Variants in CSMD1 observed in about 807,000 individuals in gnomAD.
CSMD1 encodes the protein CUB and sushi domain-containing protein 1.
CSMD1 carries 213 observed loss-of-function variants against 417.5 expected under a neutral mutation model. The ratio of observed to expected loss-of-function variants is 0.51; its 90% CI spans 0.46 to 0.57. The LOEUF is 0.57. CSMD1 is among the 20% of genes least tolerant of loss of function. The pLI is 0.00. For synonymous variants in CSMD1, 2,862 were observed against 1,736.8 expected, an observed-to-expected ratio of 1.65 and a Z score of -16.11; for missense variants, 6,923 against 4,529.7, an observed-to-expected ratio of 1.53 and a Z score of -15.17.
chr8:3,927,279 AATT>A (rs1352931839), intron 5 of CSMD1, among the ~76,000 whole-genome samples: 3 of 152,018 alleles, frequency 2.0e-5, no homozygotes, highest in African/African-American at 4.8e-5. Flanking sequence ...ATAAGCTAAT[AATT>A]ATTAAGGTGC....
At chr8:4,052,924 G>A (rs977833860) in intron 3 of CSMD1, among the ~76,000 whole-genome samples, 1 of 152,138 alleles carries the variant, frequency 6.6e-6, no homozygotes, top group East Asian at 1.9e-4. Context: ...TAGGCGCAGA[G>A]AGAAGTGGCT....
At chr8:4,777,309 C>A (rs912341527) in intron 1 of CSMD1, among the ~76,000 whole-genome samples, 1 of 152,110 alleles carries the variant, frequency 6.6e-6, no homozygotes, top group South Asian at 2.1e-4. Context: ...TGGACGAAAC[C>A]AGAAAACTGG....
At chr8:4,304,473 A>G (rs138645493) in intron 3 of CSMD1, among the ~76,000 whole-genome samples, 2 of 152,300 alleles carry the variant, frequency 1.3e-5, no homozygotes, top group Admixed American at 1.3e-4. Context: ...CCCAGATAGT[A>G]CAGAGTCCCA....
At chr8:3,569,147 C>T (rs10102248) in intron 10 of CSMD1, among the ~76,000 whole-genome samples, 35,600 of 152,032 alleles carry the variant, frequency 0.23, 4,444 homozygotes, top group Non-Finnish European at 0.28. Context: ...TGCCTCTCCA[C>T]TAAAGGAATC....
intron 26 of CSMD1, among the ~76,000 whole-genome samples, chr8:3,252,601 C>A (rs190244949): frequency 6.6e-6 from 1 of 152,150 alleles, no homozygotes; most frequent in Non-Finnish European, 1.5e-5. Context: ...AGGATTCCCT[C>A]TTTTTCTATT....
chr8:4,497,326 C>G (rs1802028275), intron 2 of CSMD1, among the ~76,000 whole-genome samples: 1 of 152,174 alleles, frequency 6.6e-6, no homozygotes, highest in Non-Finnish European at 1.5e-5. Flanking sequence ...TCTCACTTGA[C>G]AAAGTAAATC....
chr8:4,398,552 C>T (rs1804425448), intron 3 of CSMD1, among the ~76,000 whole-genome samples: 1 of 151,846 alleles, frequency 6.6e-6, no homozygotes, highest in Non-Finnish European at 1.5e-5. Context: ...CGCCACCATG[C>T]CCGGCCAAAT....
intron 2 of CSMD1, among the ~76,000 whole-genome samples, chr8:4,435,721 G>A (rs1359092744): frequency 2.6e-5 from 4 of 152,130 alleles, no homozygotes; most frequent in African/African-American, 9.7e-5. Flanking sequence ...GGCTGTGGCT[G>A]CCTTGAGATC....
chr8:4,295,086 AAGATT>A (rs1797586297), intron 3 of CSMD1, among the ~76,000 whole-genome samples: 1 of 147,610 alleles, frequency 6.8e-6, no homozygotes, highest in African/African-American at 2.5e-5. Context: ...ATATAATCTT[AAGATT>A]ACACACATAT....
intron 11 of CSMD1, among the ~76,000 whole-genome samples, chr8:3,480,509 T>C (rs953507705): frequency 1.3e-5 from 2 of 152,200 alleles, no homozygotes; most frequent in Non-Finnish European, 2.9e-5. Flanking sequence ...GATGATGGTG[T>C]TGAAATTATT....
At chr8:4,595,963 G>T (rs545764763) in intron 2 of CSMD1, among the ~76,000 whole-genome samples, 1 of 151,958 alleles carries the variant, frequency 6.6e-6, no homozygotes, top group Non-Finnish European at 1.5e-5. Context: ...TGTACCACTT[G>T]TACAGCCTCA....
At chr8:3,471,587 C>T (rs1287382208) in intron 11 of CSMD1, among the ~76,000 whole-genome samples, 1 of 143,018 alleles carries the variant, frequency 7.0e-6, no homozygotes, top group Non-Finnish European at 1.5e-5. Flanking sequence ...TCTCTCCTTC[C>T]TTCCCTCCCT....
intron 5 of CSMD1, among the ~76,000 whole-genome samples, chr8:3,926,295 T>G (rs530520880): frequency 6.6e-6 from 1 of 152,222 alleles, no homozygotes. Flanking sequence ...CCTTGTGCCA[T>G]GTATTTCTCC....
In CSMD1 at chr8:4,994,655, GCGGGGC is replaced by G. The variant is rs536150882; in HGVS notation, c.-245_-240del. On this transcript the variant is annotated 5_prime_UTR_variant, in exon 1 of 70. Coordinates refer to ENST00000635120, the MANE Select transcript of CSMD1 (RefSeq NM_033225.6). ...GCTCCGAGCGCGGAGACCCGGGCTG[GCGGGGC>G]CGGGGCCGGGGACGAGCGCCGGCCG... 6.4e-4 allele frequency: 284 copies of G among 445,716 alleles called. No homozygotes were observed. The highest frequency in any genetic ancestry group is 5.1e-3 in the African/African-American group (244 of 48,020). The allele number at this position is 445,716 out of a possible 1,614,324, so 27.6% of individuals were successfully genotyped here. A position where few individuals can be genotyped will look rare whatever the true frequency, so the allele number is the denominator to read the frequency against.
At position 4,166,344 on chromosome 8, in the gene CSMD1, T is replaced by G. The variant is rs1365609300; in HGVS notation, c.416-134245A>C. ...ACAGGTCTATAAAAGACCATACGTA[T>G]TATACACCTACAGCACATGTTATTT... On this transcript the variant is annotated intron_variant, in intron 3 of 69. Coordinates refer to ENST00000635120, the MANE Select transcript of CSMD1 (RefSeq NM_033225.6). 2.0e-5 allele frequency among the ~76,000 whole-genome samples: 3 copies of G among 152,332 alleles called. No homozygotes were observed. In the East Asian group the frequency reaches 5.8e-4, roughly 29 times the overall value.
At position 4,038,556 on chromosome 8, in the gene CSMD1, G is replaced by T. The variant is rs183580854; in HGVS notation, c.416-6457C>A. 1.2e-3 allele frequency among the ~76,000 whole-genome samples: 184 copies of T among 152,258 alleles called. 1 individual carries two copies. Among genetic ancestry groups the T allele is most frequent in the African/African-American group, 4.2e-3 (173 of 41,550 alleles). The stretch of plus-strand genomic sequence containing the variant: ...CTGAATTTTAACCAGTTTGCCTGAA[G>T]ATTATGCATGTCTCTTTGTGACTCC... On this transcript the variant is annotated intron_variant, in intron 3 of 69. Coordinates refer to ENST00000635120, the MANE Select transcript of CSMD1 (RefSeq NM_033225.6).
chr8:3,769,628 C>A (rs1345576144), intron 5 of CSMD1, among the ~76,000 whole-genome samples: 4 of 151,964 alleles, frequency 2.6e-5, no homozygotes, highest in Non-Finnish European at 4.4e-5. Context: ...CATTTAAAAT[C>A]CACTTTTTTC....
intron 7 of CSMD1, among the ~76,000 whole-genome samples, chr8:3,619,666 G>C (rs1802322847): frequency 1.3e-5 from 2 of 152,056 alleles, no homozygotes; most frequent in Admixed American, 1.3e-4. Context: ...AAACTGTTAG[G>C]AGCCAAAGAA....
At chr8:4,930,391 A>G (rs1264340940) in intron 1 of CSMD1, among the ~76,000 whole-genome samples, 1 of 152,154 alleles carries the variant, frequency 6.6e-6, no homozygotes, top group Non-Finnish European at 1.5e-5. Context: ...ACGCATATAT[A>G]TATACACATA....
Sources: allele counts gnomAD v4.1 joint callset (sites outside exome capture counted in the v4.1 genomes callset), GRCh38; gene constraint gnomAD v4.1.1; transcripts MANE v1.5; gene names NCBI Gene and HGNC (gene_info 2026-07-23, HGNC 2026-07-21).